CDIN1: variants seen among roughly 807,000 people sequenced by gnomAD.
CDIN1 encodes the protein CDAN1-interacting nuclease 1.
In CDIN1, 33 loss-of-function variants were observed where a neutral mutation model predicts 45.3. That is an observed-to-expected ratio of 0.73 (90% CI 0.55 to 0.97). CDIN1 has a LOEUF of 0.97. Ranked by LOEUF, CDIN1 falls within the 50% of genes least tolerant of loss-of-function variation. CDIN1 has a pLI of 0.00. For synonymous variants in CDIN1, 118 were observed against 124.4 expected (o/e 0.95, Z 0.34); for missense variants, 303 against 339.4 (o/e 0.89, Z 0.84).
chr15:36,675,315 G>A (rs1351023980), intron 5 of CDIN1, among the ~76,000 whole-genome samples: 1 of 152,068 alleles, frequency 6.6e-6, no homozygotes, highest in Non-Finnish European at 1.5e-5. Context: ...CCTCATCCCT[G>A]TCTTCAACTG....
intron 10 of CDIN1, among the ~76,000 whole-genome samples, chr15:36,717,206 T>G (rs1468021701): frequency 6.6e-6 from 1 of 152,220 alleles, no homozygotes; most frequent in Non-Finnish European, 1.5e-5. Context: ...TAAACTCATA[T>G]TTAAAGAGTA....
At chr15:36,652,527 T>C (rs926697112) in intron 3 of CDIN1, among the ~76,000 whole-genome samples, 2 of 152,102 alleles carry the variant, frequency 1.3e-5, no homozygotes, top group African/African-American at 2.4e-5. Flanking sequence ...TTGTGAGAAA[T>C]TGATGTGAGG....
chr15:36,763,891 G>T (rs1361420691), intron 10 of CDIN1, among the ~76,000 whole-genome samples: 1 of 152,196 alleles, frequency 6.6e-6, no homozygotes, highest in Non-Finnish European at 1.5e-5. Context: ...TGGCAGCAAA[G>T]GCTATATATA....
chr15:36,797,308 A>T (rs1371882549), intron 10 of CDIN1, among the ~76,000 whole-genome samples: 4 of 152,242 alleles, frequency 2.6e-5, no homozygotes, highest in Non-Finnish European at 5.9e-5. Context: ...GAACAGTAGT[A>T]CTTCATTTTG....
intron 4 of CDIN1, among the ~76,000 whole-genome samples, chr15:36,656,465 G>A (rs1209714621): frequency 5.3e-5 from 8 of 152,006 alleles, no homozygotes; most frequent in South Asian, 4.1e-4. Context: ...TTCACACTTC[G>A]TTAGTGATAA....
At chr15:36,751,431 C>T (rs775937678) in intron 10 of CDIN1, among the ~76,000 whole-genome samples, 7 of 151,606 alleles carry the variant, frequency 4.6e-5, no homozygotes, top group South Asian at 4.2e-4. Flanking sequence ...CAGCAGCTCA[C>T]GCCTATAATA....
At chr15:36,714,608 C>G (rs1183962051) in intron 10 of CDIN1, among the ~76,000 whole-genome samples, 1 of 152,184 alleles carries the variant, frequency 6.6e-6, no homozygotes, top group Non-Finnish European at 1.5e-5. Flanking sequence ...TTTCCAGGCT[C>G]CGTGTGTCAG....
intron 10 of CDIN1, among the ~76,000 whole-genome samples, chr15:36,733,057 T>C (rs2043889016): frequency 1.3e-5 from 2 of 152,050 alleles, no homozygotes; most frequent in East Asian, 3.8e-4. Flanking sequence ...TCCTAAATAG[T>C]AGCACAAATC....
intron 10 of CDIN1, among the ~76,000 whole-genome samples, chr15:36,764,844 A>C (rs1236864435): frequency 6.6e-6 from 1 of 152,158 alleles, no homozygotes; most frequent in Admixed American, 6.5e-5. Context: ...AGGAACAGAC[A>C]CATGCCCTTC....
intron 10 of CDIN1, among the ~76,000 whole-genome samples, chr15:36,720,021 G>A (rs1167693526): frequency 1.3e-5 from 2 of 151,336 alleles, no homozygotes; most frequent in South Asian, 2.1e-4. Flanking sequence ...CTGCCTAGAG[G>A]TTTATCCATT....
chr15:36,649,845 C>T lies in CDIN1; in HGVS notation c.213-4253C>T, dbSNP rs2041850. On this transcript the variant is annotated intron_variant, in intron 3 of 10. Transcript: ENST00000566621. ...TTGCTGCATTTTACATACTTACATA[C>T]ACAGCTCTTTTCCCACCAAAAAGGA... Among the ~76,000 whole-genome samples, 1,462 of 152,300 alleles carry T rather than the reference C, an allele frequency of 9.6e-3. 37 individuals are homozygous for T. Among genetic ancestry groups the T allele is most frequent in the East Asian group, 0.084 (437 of 5,176 alleles).
At chr15:36,783,025 C>CT (rs1271848289) in intron 10 of CDIN1, among the ~76,000 whole-genome samples, 1 of 152,146 alleles carries the variant, frequency 6.6e-6, no homozygotes, top group African/African-American at 2.4e-5. Context: ...ATCCAAGTCT[C>CT]TTTTATGCCA....
intron 1 of CDIN1, among the ~76,000 whole-genome samples, chr15:36,609,494 G>C (rs181502811): frequency 9.7e-4 from 147 of 152,298 alleles, no homozygotes; most frequent in African/African-American, 3.4e-3. Flanking sequence ...GGGTGTGGTG[G>C]CTCACACCTG....
At chr15:36,733,511 T>C (rs2043905599) in intron 10 of CDIN1, among the ~76,000 whole-genome samples, 1 of 152,128 alleles carries the variant, frequency 6.6e-6, no homozygotes, top group African/African-American at 2.4e-5. Flanking sequence ...ATTGTATTTT[T>C]TTTTCCTTTT....
intron 8 of CDIN1, among the ~76,000 whole-genome samples, chr15:36,698,188 G>T (rs2042505745): frequency 6.6e-6 from 1 of 152,126 alleles, no homozygotes; most frequent in African/African-American, 2.4e-5. Flanking sequence ...AATGGGCAAA[G>T]AATTGGCCCA....
chr15:36,745,974 A>T (rs1279337332), intron 10 of CDIN1, among the ~76,000 whole-genome samples: 1 of 152,200 alleles, frequency 6.6e-6, no homozygotes, highest in Admixed American at 6.5e-5. Context: ...TCCAAAAAAA[A>T]AGAATACTAC....
chr15:36,704,744 T>G (rs980834607), intron 8 of CDIN1: 4 of 152,198 alleles, frequency 2.6e-5, no homozygotes, highest in Admixed American at 6.5e-5. Context: ...TTTAGAAAAC[T>G]TTTTACAAGT....
intron 5 of CDIN1, among the ~76,000 whole-genome samples, chr15:36,676,177 A>C (rs1393601456): frequency 1.3e-5 from 2 of 152,168 alleles, no homozygotes; most frequent in African/African-American, 4.8e-5. Context: ...GAATTTTCAT[A>C]TCGTTTAACA....
At chr15:36,797,355 C>T (rs935086058) in intron 10 of CDIN1, among the ~76,000 whole-genome samples, 8 of 152,142 alleles carry the variant, frequency 5.3e-5, no homozygotes, top group African/African-American at 1.7e-4. Flanking sequence ...TAGATAAAAG[C>T]GACTGTAAAC....
Sources: allele counts gnomAD v4.1 joint callset (sites outside exome capture counted in the v4.1 genomes callset), GRCh38; gene constraint gnomAD v4.1.1; transcripts MANE v1.5; gene names NCBI Gene and HGNC (gene_info 2026-07-23, HGNC 2026-07-21).